Variants in ABCC12 observed in about 807,000 individuals in gnomAD.
ABCC12 encodes the protein ATP-binding cassette sub-family C member 12.
ABCC12 carries 142 observed loss-of-function variants against 151.1 expected under a neutral mutation model. The observed-to-expected ratio is 0.94, with a 90% confidence interval of 0.82 to 1.08. The LOEUF (loss-of-function observed/expected upper bound fraction) is 1.08. Among genes scored for constraint, ABCC12 ranks in the 50% least tolerant of loss-of-function variants. ABCC12 has a pLI of 0.00. For missense variants in ABCC12, 1,638 were observed against 1,691.1 expected, an observed-to-expected ratio of 0.97 and a Z score of 0.55; for synonymous variants, 645 against 646.4, an observed-to-expected ratio of 1.00 and a Z score of 0.03.
In ABCC12 at chr16:48,087,794, C is replaced by T. The variant is rs73540849; in HGVS notation, c.3635+132G>A. ...AACAGGGACCAGCAGTGCTTGTGAGCCCCCCTGGGATACTGCTTCCCTCAG... is the reference window on the plus strand; with the variant it reads ...AACAGGGACCAGCAGTGCTTGTGAGTCCCCCTGGGATACTGCTTCCCTCAG... On this transcript the variant is annotated intron_variant, in intron 27 of 30. Transcript: ENST00000311303. The T allele has an allele frequency of 6.0e-3, 5,732 of 951,946 alleles. 231 individuals carry two copies. In the African/African-American group the frequency reaches 0.087, roughly 14 times the overall value. The allele number at this position is 951,946 out of a possible 1,614,324, so 59.0% of individuals were successfully genotyped here.
Position 48,082,734 on chromosome 16 carries a change from C to T in ABCC12, c.*981G>A, listed in dbSNP as rs890741428. On this transcript the variant is annotated 3_prime_UTR_variant, in exon 31 of 31. Coordinates refer to ENST00000311303, the MANE Select transcript of ABCC12 (RefSeq NM_001393797.1). Reference sequence around the variant, plus strand: ...CAGGGAACCTCATGGGGCCTTCATTCCTGATGAATGAAAAACAGCCAGAAC... The same window carrying T: ...CAGGGAACCTCATGGGGCCTTCATTTCTGATGAATGAAAAACAGCCAGAAC... 3.3e-5 allele frequency among the ~76,000 whole-genome samples: 5 copies of T among 152,220 alleles called. No homozygotes were observed. The highest frequency in any genetic ancestry group is 7.3e-5 in the Non-Finnish European group (5 of 68,030).
At position 48,105,181 on chromosome 16, in the gene ABCC12, T is replaced by G. The variant is rs1963445607; in HGVS notation, c.2631A>C (p.Thr877=). The change falls in exon 21 of 31, where the codon ACA becomes ACC. Residue 877 remains threonine, a synonymous_variant. Transcript: ENST00000311303. ...CATGCAGAGAGGAGGATGCCATCAG[T>G]GTGGTCTTGGTGAAGACGAAGCCTT... is the stretch of plus-strand genomic sequence containing the variant. ...VTKGFVFTKT[T]LMASSSLHDT... 1 of 1,614,158 alleles carries G rather than the reference T, an allele frequency of 6.2e-7. No homozygotes were observed. Among genetic ancestry groups the G allele is most frequent in the Non-Finnish European group, 8.5e-7 (1 of 1,180,030 alleles).
rs1171621120 is a variant in ABCC12 at position 48,115,463 on chromosome 16, C to G, written c.1941G>C (p.Lys647Asn). ...VGKHVFEECI[K>N]KTLRGKTVVL... ...CGACTGTCTTTCCCCTGAGCGTCTT[C>G]TTAATGCACTCCTCAAAGACGTGCT... is the stretch of plus-strand genomic sequence containing the variant. Residue 647 changes from lysine (K) to asparagine (N), a missense_variant, in exon 15 of 31, where the codon AAG becomes AAC. By Grantham distance (94) the Lys-to-Asn change is moderately conservative. Transcript: ENST00000311303. 6.2e-7 allele frequency: 1 copy of G among 1,614,204 alleles called. No individual in the cohort carries two copies. Among genetic ancestry groups the G allele is most frequent in the South Asian group, 1.1e-5 (1 of 91,082 alleles).
chr16:48,112,469 A>G (rs1407504388), intron 15 of ABCC12, among the ~76,000 whole-genome samples: 1 of 152,090 alleles, frequency 6.6e-6, no homozygotes, highest in Non-Finnish European at 1.5e-5. Context: ...GGTGGCGTGC[A>G]CCTATAATCC....
At chr16:48,088,886 C>A in intron 25 of ABCC12, 152 bp from the exon 26 acceptor site, 1 of 654,744 alleles carries the variant, frequency 1.5e-6, no homozygotes, top group Non-Finnish European at 2.4e-6. Flanking sequence ...AACTCACATT[C>A]CAGTGGGGAT....
chr16:48,134,270 C>G (rs1964532426), intron 8 of ABCC12, among the ~76,000 whole-genome samples: 1 of 152,162 alleles, frequency 6.6e-6, no homozygotes, highest in Admixed American at 6.5e-5. Flanking sequence ...GGGACCTCTC[C>G]TAGGAGCCTG....
Position 48,105,166 on chromosome 16 carries a change from G to A in ABCC12, c.2646C>T (p.Ser882=). The change falls in exon 21 of 31, where the codon TCC becomes TCT. Residue 882 remains serine, a synonymous_variant. Transcript: ENST00000311303. ...TATCAAACACCGTGTCATGCAGAGA[G>A]GAGGATGCCATCAGTGTGGTCTTGG... ...VFTKTTLMAS[S]SLHDTVFDKI... 2 of 1,614,178 alleles carry A rather than the reference G, an allele frequency of 1.2e-6. No homozygotes were observed. The highest frequency in any genetic ancestry group is 1.7e-6 in the Non-Finnish European group (2 of 1,180,034).
At chr16:48,133,490 C>T (rs1029060682) in intron 9 of ABCC12, among the ~76,000 whole-genome samples, 197 bp downstream of exon 9, 8 of 150,858 alleles carry the variant, frequency 5.3e-5, no homozygotes, top group Non-Finnish European at 7.4e-5. Context: ...CACGCCACTG[C>T]ACTCCAGCCT....
At chr16:48,086,845 GGGAGCCAGATTTCCAA>G in intron 27 of ABCC12, 26 bp from the exon 28 acceptor site, 1 of 1,587,380 alleles carries the variant, frequency 6.3e-7, no homozygotes, top group Non-Finnish European at 8.6e-7. Context: ...GGAGAGGACA[GGGAGCCAGATTTCCAA>G]GGACGAGAGG....
chr16:48,099,411 AAAAT>A (rs1963224824), intron 23 of ABCC12, among the ~76,000 whole-genome samples: 1 of 152,212 alleles, frequency 6.6e-6, no homozygotes, highest in African/African-American at 2.4e-5. Context: ...AATAAAAATA[AAAAT>A]AAATAAATTT....
Position 48,111,566 on chromosome 16 carries a change from T to C in ABCC12, c.2209+12A>G. 1 of 1,614,186 alleles carries C rather than the reference T, an allele frequency of 6.2e-7. No individual in the cohort carries two copies. Among genetic ancestry groups the C allele is most frequent in the Non-Finnish European group, 8.5e-7 (1 of 1,180,026 alleles). On this transcript the variant is annotated intron_variant, in intron 17 of 30. Transcript: ENST00000311303. ...TTCAAGCCAAGGACAATAACAGGGA[T>C]GGGATTCTAACCGATTATACCAGCA... is the stretch of plus-strand genomic sequence containing the variant.
In ABCC12 at chr16:48,139,204, G is replaced by A. The variant is rs1964717191; in HGVS notation, c.790C>T (p.Leu264Phe). Residue 264 changes from leucine (L) to phenylalanine (F), a missense_variant, in exon 7 of 31, where the codon CTC becomes TTC. Coordinates refer to ENST00000311303, the MANE Select transcript of ABCC12 (RefSeq NM_001393797.1). ...YAFFILGPTALIGISVYVIFI... is the reference protein window; with the variant it reads ...YAFFILGPTAFIGISVYVIFI... Reference sequence around the variant, plus strand: ...ATGACATACACTGATATCCCGATGAGAGCTGTGGGCCCCAGAATGAAAAAG... The same window carrying A: ...ATGACATACACTGATATCCCGATGAAAGCTGTGGGCCCCAGAATGAAAAAG... 9.3e-6 allele frequency: 15 copies of A among 1,613,642 alleles called. No homozygotes were observed. The highest frequency in any genetic ancestry group is 1.3e-5 in the African/African-American group (1 of 74,890).
At position 48,139,171 on chromosome 16, in the gene ABCC12, G is replaced by C. The variant is rs769351810; in HGVS notation, c.823C>G (p.Pro275Ala). Residue 275 changes from proline to alanine, a missense_variant, in exon 7 of 31, where the codon CCC becomes GCC. By Grantham distance (27) the Pro-to-Ala change is conservative. Transcript: ENST00000311303. Reference sequence around the variant, plus strand: ...CAAAAGCCTGCCGTTACCTGGACGGGTATGAATATGACATACACTGATATC... The same window carrying C: ...CAAAAGCCTGCCGTTACCTGGACGGCTATGAATATGACATACACTGATATC... ...IGISVYVIFI[P>A]VQMFMAKLNS... The C allele has an allele frequency of 1.3e-5, 20 of 1,596,612 alleles. No individual in the cohort carries two copies. Among genetic ancestry groups the C allele is most frequent in the Non-Finnish European group, 4.3e-6 (5 of 1,174,738 alleles).
intron 24 of ABCC12, among the ~76,000 whole-genome samples, chr16:48,092,133 C>G (rs1962924802): frequency 6.6e-6 from 1 of 152,226 alleles, no homozygotes; most frequent in Non-Finnish European, 1.5e-5. Context: ...CTGCCAACAC[C>G]TTGAGTGCGG....
intron 22 of ABCC12, among the ~76,000 whole-genome samples, chr16:48,103,437 A>G (rs1411366305): frequency 1.3e-5 from 2 of 152,196 alleles, no homozygotes; most frequent in African/African-American, 4.8e-5. Context: ...TTGGTTGTGT[A>G]GTCTCCCTGA....
chr16:48,146,589 AC>A, intron 2 of ABCC12, 115 bp from the exon 3 acceptor site: 1 of 606,030 alleles, frequency 1.7e-6, no homozygotes, highest in South Asian at 2.0e-5. Flanking sequence ...AACTGTTTTC[AC>A]CAATGAGCTT....
chr16:48,081,879 T>C lies in ABCC12; in HGVS notation c.*1836A>G, dbSNP rs139741989. 9.6e-4 allele frequency among the ~76,000 whole-genome samples: 146 copies of C among 152,244 alleles called. No individual in the cohort carries two copies. Among genetic ancestry groups the C allele is most frequent in the Middle Eastern group, 3.4e-3 (1 of 294 alleles). ...GATTATCTGGCTGGTGTCCAGTTGG[T>C]AGAAAGTAAAGCATCCCTCCCTGAC... On this transcript the variant is annotated 3_prime_UTR_variant, in exon 31 of 31. Transcript: ENST00000311303.
At chr16:48,146,114 C>T (rs1161490275) in intron 3 of ABCC12, among the ~76,000 whole-genome samples, 192 bp downstream of exon 3, 2 of 152,208 alleles carry the variant, frequency 1.3e-5, no homozygotes, top group African/African-American at 2.4e-5. Context: ...GCTACTGCCT[C>T]CTTTTCACCA....
chr16:48,140,994 C>T (rs1964790572), intron 5 of ABCC12, 74 bp from the exon 6 acceptor site: 1 of 1,468,652 alleles, frequency 6.8e-7, no homozygotes. Flanking sequence ...TCAGATCATG[C>T]CAGCAAGCTG....
Sources: gnomAD v4.1 joint callset for allele counts (sites outside exome capture counted in the v4.1 genomes callset) on GRCh38, gnomAD v4.1.1 for gene constraint, MANE v1.5 for transcripts, NCBI Gene and HGNC (gene_info 2026-07-23, HGNC 2026-07-21) for gene names.